Variants in TNIP3 observed in about 807,000 individuals in gnomAD.
TNIP3 encodes TNFAIP3-interacting protein 3.
TNIP3 carries 34 observed loss-of-function variants against 54.1 expected under a neutral mutation model. The ratio of observed to expected loss-of-function variants is 0.63; its 90% confidence interval spans 0.48 to 0.84. The LOEUF is 0.84. Ranked by LOEUF, TNIP3 falls within the 40% of genes least tolerant of loss-of-function variation. TNIP3 has a pLI of 0.00. For missense variants in TNIP3, 366 were observed against 387.6 expected (o/e 0.94, Z 0.47); for synonymous variants, 134 against 136.8 (o/e 0.98, Z 0.14).
intron 9 of TNIP3, 94 bp downstream of exon 9, chr4:121,141,722 C>T: frequency 1.2e-6 from 1 of 809,620 alleles, no homozygotes; most frequent in Non-Finnish European, 1.8e-6. Flanking sequence ...GAGGCTCTTG[C>T]TGTAGATAAT....
intron 8 of TNIP3, 118 bp from the exon 9 acceptor site, chr4:121,142,032 T>G (rs1729151944): frequency 5.2e-6 from 3 of 577,318 alleles, no homozygotes. Flanking sequence ...TCTGGCATAA[T>G]TATAACTCAA....
At chr4:121,185,500 T>C (rs1325952515) in intron 2 of TNIP3, among the ~76,000 whole-genome samples, 3 of 152,230 alleles carry the variant, frequency 2.0e-5, no homozygotes, top group Non-Finnish European at 2.9e-5. Context: ...GCCCCATCTA[T>C]GTCCCAGGAA....
Position 121,159,629 on chromosome 4 carries a change from TCAA to T in TNIP3, c.148-880_148-878del, listed in dbSNP as rs529433005. ...TTAACACATGATTTATAATAAATAC[TCAA>T]CAAATAGGTAATATCACCATTTTGA... is the stretch of plus-strand genomic sequence containing the variant. On this transcript the variant is annotated intron_variant, in intron 2 of 10. Coordinates refer to ENST00000057513, the MANE Select transcript of TNIP3 (RefSeq NM_024873.6). Among the ~76,000 whole-genome samples the T allele has an allele frequency of 2.0e-3, 302 of 152,364 alleles. 1 individual carries two copies. The highest frequency in any genetic ancestry group is 3.6e-3 in the Non-Finnish European group (247 of 68,028).
At chr4:121,185,801 G>A (rs773097880) in intron 2 of TNIP3, among the ~76,000 whole-genome samples, 1 of 152,218 alleles carries the variant, frequency 6.6e-6, no homozygotes, top group Non-Finnish European at 1.5e-5. Flanking sequence ...CCTCATGGCT[G>A]CCTTGTTCTT....
At chr4:121,216,673 G>A, upstream of TNIP3, 2 of 1,400,936 alleles carry the variant, frequency 1.4e-6, no homozygotes, top group Non-Finnish European at 1.9e-6. Flanking sequence ...CAGACCACAA[G>A]CCTGCCTTCT....
At chr4:121,209,681 C>T (rs1308726175) in intron 2 of TNIP3, among the ~76,000 whole-genome samples, 5 of 152,042 alleles carry the variant, frequency 3.3e-5, no homozygotes, top group African/African-American at 1.2e-4. Context: ...TCTGAAGCTC[C>T]ATTAAACAAA....
intron 2 of TNIP3, among the ~76,000 whole-genome samples, chr4:121,160,590 C>T (rs1730391034): frequency 6.6e-6 from 1 of 152,030 alleles, no homozygotes; most frequent in African/African-American, 2.4e-5. Context: ...ATTCATTAAG[C>T]TCAGAAAAAT....
chr4:121,208,688 G>T (rs1470128806), intron 2 of TNIP3, among the ~76,000 whole-genome samples: 3 of 152,122 alleles, frequency 2.0e-5, no homozygotes, highest in Non-Finnish European at 2.9e-5. Flanking sequence ...AGAATCCATT[G>T]GGCTGTTAAA....
At chr4:121,148,385 T>G (rs1729551773) in intron 6 of TNIP3, among the ~76,000 whole-genome samples, 1 of 152,220 alleles carries the variant, frequency 6.6e-6, no homozygotes, top group Non-Finnish European at 1.5e-5. Flanking sequence ...AAAAAGAGTA[T>G]CTGTCACTGT....
chr4:121,187,209 C>G (rs1446472899), intron 2 of TNIP3, among the ~76,000 whole-genome samples: 3 of 152,208 alleles, frequency 2.0e-5, no homozygotes, highest in East Asian at 3.9e-4. Flanking sequence ...AAAAAAAACA[C>G]CCTACCAAAC....
chr4:121,187,189 A>G (rs988274332), intron 2 of TNIP3, among the ~76,000 whole-genome samples: 1 of 152,156 alleles, frequency 6.6e-6, no homozygotes, highest in Non-Finnish European at 1.5e-5. Context: ...TGAGGGTAAA[A>G]CAAACAAACA....
In TNIP3 at chr4:121,162,836, C is replaced by G. The variant is rs114662326; in HGVS notation, c.66+1224G>C. 8.0e-3 allele frequency among the ~76,000 whole-genome samples: 1,224 copies of G among 152,256 alleles called. 14 individuals are homozygous for G. The highest frequency in any genetic ancestry group is 0.029 in the African/African-American group (1,184 of 41,542). ...TACTAAAGTTCAATATATTCCCATT[C>G]TAGGGAATAAATTATGGGTCCTCAA... On this transcript the variant is annotated intron_variant, in intron 1 of 10. Coordinates refer to ENST00000057513, the MANE Select transcript of TNIP3 (RefSeq NM_024873.6).
intron 3 of TNIP3, among the ~76,000 whole-genome samples, chr4:121,181,429 G>T (rs749878499): frequency 7.2e-5 from 11 of 152,146 alleles, no homozygotes; most frequent in Non-Finnish European, 1.6e-4. Context: ...GGCCTTATTT[G>T]ACCTCATAAC....
At chr4:121,216,744 G>T, upstream of TNIP3, 1 of 720,220 alleles carries the variant, frequency 1.4e-6, no homozygotes, top group Non-Finnish European at 2.0e-6. Flanking sequence ...AGTTAAGGAA[G>T]AATCTCATGA....
At chr4:121,195,982 C>T (rs991381627) in intron 2 of TNIP3, among the ~76,000 whole-genome samples, 4 of 152,136 alleles carry the variant, frequency 2.6e-5, no homozygotes, top group Non-Finnish European at 4.4e-5. Flanking sequence ...GACCTCCTGC[C>T]CAGACTAGTC....
At chr4:121,216,660 A>G, upstream of TNIP3, 1 of 1,423,260 alleles carries the variant, frequency 7.0e-7, no homozygotes, top group South Asian at 1.5e-5. Context: ...AGACCTGAGA[A>G]GACAGACCAC....
chr4:121,174,142 G>A (rs1724156909), intron 3 of TNIP3, among the ~76,000 whole-genome samples: 1 of 152,084 alleles, frequency 6.6e-6, no homozygotes. Flanking sequence ...AGATTAGCTT[G>A]GATACTTCAG....
chr4:121,202,670 A>C (rs544698047), intron 2 of TNIP3, among the ~76,000 whole-genome samples: 3 of 152,262 alleles, frequency 2.0e-5, no homozygotes, highest in African/African-American at 7.2e-5. Context: ...AATCTTCACA[A>C]TCTACACATG....
chr4:121,213,742 A>G (rs56350847), intron 2 of TNIP3, among the ~76,000 whole-genome samples: 4 of 151,044 alleles, frequency 2.6e-5, no homozygotes, highest in East Asian at 1.9e-4. Flanking sequence ...AAAAAAAAAC[A>G]AAAAAAGACA....
Sources: gnomAD v4.1 joint callset for allele counts (sites outside exome capture counted in the v4.1 genomes callset) on GRCh38, gnomAD v4.1.1 for gene constraint, MANE v1.5 for transcripts, NCBI Gene and HGNC (gene_info 2026-07-23, HGNC 2026-07-21) for gene names.